SLCO2B1: variants seen among roughly 807,000 people sequenced by gnomAD.
SLCO2B1 encodes the protein solute carrier organic anion transporter family member 2B1.
In SLCO2B1, 41 loss-of-function variants were observed where a neutral mutation model predicts 67.3. The observed-to-expected ratio is 0.61, with a 90% CI of 0.47 to 0.79. SLCO2B1 has a LOEUF of 0.79. Ranked by LOEUF, SLCO2B1 falls within the 30% of genes least tolerant of loss-of-function variation. The probability of loss-of-function intolerance (pLI) is 0.00; values close to 1 mark genes in which losing one functional copy is unlikely to be tolerated. For synonymous variants in SLCO2B1, 379 were observed against 381.4 expected, an observed-to-expected ratio of 0.99 and a Z score of 0.07; for missense variants, 837 against 920.1, an observed-to-expected ratio of 0.91 and a Z score of 1.17.
rs373937038 is a variant in SLCO2B1 at position 75,159,190 on chromosome 11, C to T, written c.17-3465C>T. ...TGGCTGGCTTACCAGCAGGTGGACA[C>T]GATGTGCCTGCATGAGTGATCAGCC... On this transcript the variant is annotated intron_variant, in intron 1 of 13. Coordinates refer to ENST00000289575, the MANE Select transcript of SLCO2B1 (RefSeq NM_007256.5). Among the ~76,000 whole-genome samples, 207 of 152,328 alleles carry T rather than the reference C, an allele frequency of 1.4e-3. 2 individuals carry two copies. The highest frequency in any genetic ancestry group is 3.7e-3 in the African/African-American group (154 of 41,572).
chr11:75,152,146 G>A (rs551942785), intron 1 of SLCO2B1, among the ~76,000 whole-genome samples: 6 of 152,382 alleles, frequency 3.9e-5, no homozygotes, highest in African/African-American at 1.2e-4. Flanking sequence ...GCCTTGTAGC[G>A]AGGGCAGTGT....
At chr11:75,156,307 A>G (rs1373666628) in intron 1 of SLCO2B1, among the ~76,000 whole-genome samples, 2 of 152,210 alleles carry the variant, frequency 1.3e-5, no homozygotes, top group African/African-American at 2.4e-5. Context: ...AGTCAGGCAG[A>G]TAAGAGGGAA....
chr11:75,161,105 T>G (rs999281254), intron 1 of SLCO2B1, among the ~76,000 whole-genome samples: 1 of 152,202 alleles, frequency 6.6e-6, no homozygotes, highest in African/African-American at 2.4e-5. Flanking sequence ...GAATTGAAAA[T>G]GTATGTCTCC....
At chr11:75,188,933 A>T (rs552161403) in intron 8 of SLCO2B1, among the ~76,000 whole-genome samples, 1 of 152,028 alleles carries the variant, frequency 6.6e-6, no homozygotes, top group African/African-American at 2.4e-5. Flanking sequence ...CCTCCCACCC[A>T]CTGCTGAGCC....
chr11:75,198,192 G>C (rs1210307789), intron 10 of SLCO2B1, among the ~76,000 whole-genome samples: 1 of 152,222 alleles, frequency 6.6e-6, no homozygotes, highest in Non-Finnish European at 1.5e-5. Flanking sequence ...AGACCCCCAG[G>C]CCTTGGCAGG....
chr11:75,163,779 T>C (rs951552682), intron 2 of SLCO2B1, among the ~76,000 whole-genome samples, 184 bp from the exon 3 acceptor site: 17 of 151,512 alleles, frequency 1.1e-4, no homozygotes, highest in African/African-American at 3.9e-4. Context: ...CTCCCCTCCC[T>C]CCTCCTCTCC....
intron 13 of SLCO2B1, chr11:75,203,699 A>G: frequency 2.5e-6 from 1 of 400,680 alleles, no homozygotes; most frequent in Non-Finnish European, 4.5e-6. Context: ...TCTATGCAGG[A>G]ACTTGGGGAG....
At chr11:75,195,543 C>T (rs1181865004) in intron 9 of SLCO2B1, among the ~76,000 whole-genome samples, 4 of 152,030 alleles carry the variant, frequency 2.6e-5, no homozygotes, top group Non-Finnish European at 5.9e-5. Context: ...TTCCCCACTC[C>T]ACACCCTGGC....
chr11:75,200,386 A>G lies in SLCO2B1; in HGVS notation c.1762A>G (p.Arg588Gly). 1 of 1,591,774 alleles carries G rather than the reference A, an allele frequency of 6.3e-7. No homozygotes were observed. Among genetic ancestry groups the G allele is most frequent in the Non-Finnish European group, 8.6e-7 (1 of 1,165,572 alleles). The change falls in exon 11 of 14, where the codon AGA becomes GGA. Residue 588 changes from arginine (R) to glycine (G), a missense_variant and splice_region_variant. Coordinates refer to ENST00000289575, the MANE Select transcript of SLCO2B1 (RefSeq NM_007256.5). ...CACACCCTCCTTCATGCTCATCCTAAGGTGAAGGTGGGGGTGGGGCAGGGG... is the reference window on the plus strand; with the variant it reads ...CACACCCTCCTTCATGCTCATCCTAGGGTGAAGGTGGGGGTGGGGCAGGGG... ...THTPSFMLIL[R>G]GVKKEDKTLA...
rs1458124137 is a variant in SLCO2B1, at chr11:75,172,553, A to G, written c.956A>G (p.Asp319Gly). ...QFRRKVLAVT[D>G]SPARKGKDSP... ...CGGCGAAAGGTCTTAGCAGTCACAG[A>G]CTCACCTGCCAGGAAGGTAAGCTCC... The change falls in exon 7 of 14, where the codon GAC becomes GGC. Residue 319 changes from aspartate to glycine, a missense_variant. Asp to Gly is a moderately conservative substitution (Grantham distance 94). Coordinates refer to ENST00000289575, the MANE Select transcript of SLCO2B1 (RefSeq NM_007256.5). 1.2e-6 allele frequency: 2 copies of G among 1,613,664 alleles called. No homozygotes were observed. The highest frequency in any genetic ancestry group is 1.1e-5 in the South Asian group (1 of 91,036).
At chr11:75,164,968 T>G (rs534505337) in intron 3 of SLCO2B1, among the ~76,000 whole-genome samples, 1 of 152,180 alleles carries the variant, frequency 6.6e-6, no homozygotes, top group South Asian at 2.1e-4. Context: ...CTGCTGATAC[T>G]GATCCACTCC....
chr11:75,173,093 C>A (rs1182943362), intron 7 of SLCO2B1, among the ~76,000 whole-genome samples: 1 of 152,188 alleles, frequency 6.6e-6, no homozygotes. Flanking sequence ...GATCACAAAG[C>A]CAGCAAGCAA....
At chr11:75,169,990 T>C (rs1483996949) in intron 6 of SLCO2B1, 1 of 530,276 alleles carries the variant, frequency 1.9e-6, no homozygotes, top group Middle Eastern at 4.9e-4. Flanking sequence ...AGATAAACTG[T>C]AAAGTGCCAT....
intron 2 of SLCO2B1, 114 bp downstream of exon 2, chr11:75,162,899 G>C: frequency 7.8e-7 from 1 of 1,281,868 alleles, no homozygotes; most frequent in Non-Finnish European, 1.1e-6. Flanking sequence ...CTCATCTATA[G>C]AATGTGTGGC....
At chr11:75,155,819 G>C (rs1326254513) in intron 1 of SLCO2B1, among the ~76,000 whole-genome samples, 2 of 152,174 alleles carry the variant, frequency 1.3e-5, no homozygotes, top group African/African-American at 4.8e-5. Flanking sequence ...CCACGCTGAG[G>C]GGGTACAGCT....
At chr11:75,175,882 G>T (rs930461206) in intron 7 of SLCO2B1, among the ~76,000 whole-genome samples, 1 of 152,200 alleles carries the variant, frequency 6.6e-6, no homozygotes, top group Non-Finnish European at 1.5e-5. Context: ...GGGGCAGGGG[G>T]CAATAGCAGT....
At chr11:75,190,930 G>A (rs547874737) in intron 8 of SLCO2B1, among the ~76,000 whole-genome samples, 56 of 152,310 alleles carry the variant, frequency 3.7e-4, no homozygotes, top group Admixed American at 1.0e-3. Context: ...ATGGGCCCTG[G>A]AATTCCCCTG....
In SLCO2B1 at chr11:75,202,903, G is replaced by C. The variant is rs576675226; in HGVS notation, c.1766G>C (p.Gly589Ala). Reference sequence around the variant, plus strand: ...TTGCCCATGTCTCTGCTTGTTAGAGGAGTGAAGAAAGAAGACAAGACTTTG... The same window carrying C: ...TTGCCCATGTCTCTGCTTGTTAGAGCAGTGAAGAAAGAAGACAAGACTTTG... ...HTPSFMLILR[G>A]VKKEDKTLAV... The change falls in exon 12 of 14, where the codon GGA (glycine) becomes GCA (alanine). Residue 589 changes from glycine to alanine, a missense_variant and splice_region_variant. Coordinates refer to ENST00000289575, the MANE Select transcript of SLCO2B1 (RefSeq NM_007256.5). 6.2e-7 allele frequency: 1 copy of C among 1,613,850 alleles called. No individual in the cohort carries two copies. The highest frequency in any genetic ancestry group is 1.7e-5 in the Admixed American group (1 of 60,000).
chr11:75,199,265 CAG>C (rs1239727021), intron 10 of SLCO2B1, among the ~76,000 whole-genome samples: 1 of 152,178 alleles, frequency 6.6e-6, no homozygotes, highest in Non-Finnish European at 1.5e-5. Context: ...TTCTGCCGGC[CAG>C]TGGAGAGTGC....
Sources: allele counts gnomAD v4.1 joint callset (sites outside exome capture counted in the v4.1 genomes callset), GRCh38; gene constraint gnomAD v4.1.1; transcripts MANE v1.5; gene names NCBI Gene and HGNC (gene_info 2026-07-23, HGNC 2026-07-21).